The following TACC1 variants were observed in gnomAD, a reference collection of about 807,000 sequenced individuals.
The protein encoded by TACC1 is transforming acidic coiled-coil-containing protein 1.
Under a neutral mutation model 84.4 loss-of-function variants are expected in TACC1, and 48 were observed. The observed-to-expected ratio is 0.57, with a 90% CI of 0.45 to 0.72. TACC1 has a LOEUF of 0.72. Among genes scored for constraint, TACC1 ranks in the 30% least tolerant of loss-of-function variants. The pLI, the probability that TACC1 is intolerant of heterozygous loss-of-function variation, is 0.00. For synonymous variants in TACC1, 372 were observed against 376.3 expected, an observed-to-expected ratio of 0.99 and a Z score of 0.13; for missense variants, 920 against 973.0, an observed-to-expected ratio of 0.95 and a Z score of 0.72.
chr8:38,761,201 C>T (rs186758516), intron 3 of TACC1, among the ~76,000 whole-genome samples: 1 of 152,088 alleles, frequency 6.6e-6, no homozygotes, highest in Admixed American at 6.5e-5. Flanking sequence ...GCGATGTGGC[C>T]AAGGTAGGTT....
chr8:38,842,590 C>T, intron 10 of TACC1, 143 bp downstream of exon 10: 1 of 948,292 alleles, frequency 1.1e-6, no homozygotes, highest in Non-Finnish European at 1.5e-6. Context: ...ATCCTCTATT[C>T]CAGTGAAGCT....
chr8:38,783,082 CTATCTATCTATCTATCTATCTATCTATA>C (rs1239370132), upstream of TACC1, among the ~76,000 whole-genome samples: 55 of 107,386 alleles, frequency 5.1e-4, no homozygotes, highest in African/African-American at 2.4e-3. Flanking sequence ...ATCTATCTAT[CTATCTATCTATCTATCTATCTATCTATA>C]TATATATATA....
chr8:38,773,063 C>T (rs953303572), intron 3 of TACC1, among the ~76,000 whole-genome samples: 9 of 152,110 alleles, frequency 5.9e-5, no homozygotes, highest in Admixed American at 5.9e-4. Flanking sequence ...CGCGGTGGCT[C>T]ACGCCTGTAA....
intron 1 of TACC1, chr8:38,788,427 GT>G (rs887899221): frequency 1.6e-5 from 5 of 322,068 alleles, no homozygotes; most frequent in Non-Finnish European, 2.9e-5. Context: ...TTTTTCAGGT[GT>G]CTGAGGGAAG....
intron 3 of TACC1, among the ~76,000 whole-genome samples, chr8:38,775,634 A>AC (rs1443725071): frequency 6.6e-6 from 1 of 151,966 alleles, no homozygotes; most frequent in African/African-American, 2.4e-5. Flanking sequence ...TGACCTAATC[A>AC]CCTCCCAAAG....
intron 5 of TACC1, among the ~76,000 whole-genome samples, chr8:38,829,749 A>G (rs1828842004): frequency 6.6e-6 from 1 of 152,230 alleles, no homozygotes; most frequent in Admixed American, 6.5e-5. Context: ...CTGTACATAC[A>G]GTGCTGTCTT....
intron 1 of TACC1, among the ~76,000 whole-genome samples, chr8:38,733,082 G>A (rs535007377): frequency 6.6e-6 from 1 of 152,296 alleles, no homozygotes; most frequent in East Asian, 1.9e-4. Context: ...TCCAGGTGTA[G>A]GTAAAATCGT....
upstream of TACC1, among the ~76,000 whole-genome samples, chr8:38,782,420 T>A (rs1196421286): frequency 6.6e-6 from 1 of 152,210 alleles, no homozygotes; most frequent in Non-Finnish European, 1.5e-5. Context: ...CAGTCTATCA[T>A]TGTTGGACAT....
intron 2 of TACC1, among the ~76,000 whole-genome samples, chr8:38,813,706 A>G (rs1416359400): frequency 6.6e-6 from 1 of 152,206 alleles, no homozygotes; most frequent in Non-Finnish European, 1.5e-5. Flanking sequence ...CTCCTTGAAG[A>G]CATTGCATAG....
intron 2 of TACC1, among the ~76,000 whole-genome samples, chr8:38,795,040 C>T (rs1435227577): frequency 6.6e-6 from 1 of 152,124 alleles, no homozygotes; most frequent in African/African-American, 2.4e-5. Context: ...GTATTTTTAG[C>T]TCTGAAGTTG....
intron 2 of TACC1, among the ~76,000 whole-genome samples, chr8:38,803,257 A>T (rs1308425893): frequency 1.3e-5 from 2 of 152,174 alleles, no homozygotes; most frequent in Non-Finnish European, 2.9e-5. Flanking sequence ...GATACCTTTT[A>T]TTTCTTTTCT....
At chr8:38,783,106 C>CTATATATA (rs72048692), upstream of TACC1, among the ~76,000 whole-genome samples, 20 of 87,424 alleles carry the variant, frequency 2.3e-4, no homozygotes, top group African/African-American at 4.6e-4. Context: ...ATCTATCTAT[C>CTATATATA]TATATATATA....
chr8:38,826,743 T>C (rs1828152209), intron 4 of TACC1, among the ~76,000 whole-genome samples: 1 of 152,228 alleles, frequency 6.6e-6, no homozygotes, highest in Non-Finnish European at 1.5e-5. Context: ...TAGCATTAAG[T>C]AAATTCAATA....
intron 1 of TACC1, among the ~76,000 whole-genome samples, chr8:38,733,447 T>C (rs369856773): frequency 6.6e-6 from 1 of 152,136 alleles, no homozygotes. Context: ...CTAGGGGAGA[T>C]GCACTTAGGG....
intron 3 of TACC1, among the ~76,000 whole-genome samples, chr8:38,765,047 C>T (rs369183120): frequency 2.0e-5 from 3 of 150,482 alleles, no homozygotes; most frequent in South Asian, 4.2e-4. Flanking sequence ...TGCAGTAAGC[C>T]GAGATCACAC....
At chr8:38,829,588 G>A (rs1828811847) in intron 5 of TACC1, among the ~76,000 whole-genome samples, 1 of 152,134 alleles carries the variant, frequency 6.6e-6, no homozygotes, top group South Asian at 2.1e-4. Flanking sequence ...GTTAATTACA[G>A]GAAGGTAATA....
chr8:38,787,094 T>G, upstream of TACC1: 1 of 972,922 alleles, frequency 1.0e-6, no homozygotes, highest in Non-Finnish European at 1.2e-6. Flanking sequence ...GGTAGGGGGA[T>G]CCGGCGGGCG....
intron 2 of TACC1, among the ~76,000 whole-genome samples, chr8:38,810,601 C>G (rs1303470963): frequency 6.6e-6 from 1 of 151,726 alleles, no homozygotes; most frequent in Non-Finnish European, 1.5e-5. Flanking sequence ...AAGACCCTGT[C>G]TCCAAAAAAT....
intron 2 of TACC1, among the ~76,000 whole-genome samples, chr8:38,807,080 AAGG>A (rs1822939073): frequency 6.6e-6 from 1 of 152,198 alleles, no homozygotes; most frequent in African/African-American, 2.4e-5. Context: ...AGCTGGGTGT[AAGG>A]AGTGTGCAGA....
Sources: gnomAD v4.1 joint callset for allele counts (sites outside exome capture counted in the v4.1 genomes callset) on GRCh38, gnomAD v4.1.1 for gene constraint, MANE v1.5 for transcripts, NCBI Gene and HGNC (gene_info 2026-07-23, HGNC 2026-07-21) for gene names.